The following KIF9 variants were observed in gnomAD, a reference collection of about 807,000 sequenced individuals.
The protein encoded by KIF9 is kinesin-like protein KIF9.
A neutral mutation model predicts 94.8 loss-of-function variants in KIF9; 68 were observed. The ratio of observed to expected loss-of-function variants is 0.72; its 90% confidence interval spans 0.59 to 0.88. KIF9 has a LOEUF of 0.88. KIF9 is among the 40% of genes least tolerant of loss of function. KIF9 has a pLI of 0.00. For missense variants in KIF9, 882 were observed against 982.5 expected (o/e 0.90, Z 1.37); for synonymous variants, 343 against 362.1 (o/e 0.95, Z 0.60).
At position 47,229,783 on chromosome 3, in the gene KIF9, G is replaced by T. The variant is rs1284033345; in HGVS notation, c.2323-1081C>A. 1.1e-4 allele frequency among the ~76,000 whole-genome samples: 17 copies of T among 151,810 alleles called. 1 individual carries two copies. Among genetic ancestry groups the T allele is most frequent in the Non-Finnish European group, 1.5e-5 (1 of 67,970 alleles). The stretch of plus-strand genomic sequence containing the variant: ...GAGTCTCGCTCTGTCACCCAGGCCG[G>T]AGTACAGTGGCGCAATCTCGGCTCA... On this transcript the variant is annotated intron_variant, in intron 20 of 20. Coordinates refer to ENST00000684063, the MANE Select transcript of KIF9 (RefSeq NM_182902.4).
intron 1 of KIF9, among the ~76,000 whole-genome samples, chr3:47,278,615 G>A (rs892639242): frequency 2.6e-5 from 4 of 152,092 alleles, no homozygotes; most frequent in Non-Finnish European, 4.4e-5. Flanking sequence ...GATCCCTTGA[G>A]GCCAGGAGTT....
At chr3:47,273,509 G>C in intron 4 of KIF9, 43 bp downstream of exon 4, 1 of 1,462,812 alleles carries the variant, frequency 6.8e-7, no homozygotes, top group South Asian at 1.3e-5. Context: ...ATGGCAGAGA[G>C]AGGGAACCTG....
Position 47,279,515 on chromosome 3 carries a change from G to A in KIF9, c.-5-2136C>T, listed in dbSNP as rs941598566. 5.9e-5 allele frequency among the ~76,000 whole-genome samples: 9 copies of A among 151,392 alleles called. No individual in the cohort carries two copies. The South Asian group carries it at 1.7e-3, about 28-fold the overall frequency. ...ATCAAAAAATCTAAGTAACTTTTAA[G>A]ATGTTAACCATAAAAACCCCTCATG... On this transcript the variant is annotated intron_variant, in intron 1 of 20. Transcript: ENST00000684063.
At chr3:47,257,874 C>T (rs1320517203) in intron 9 of KIF9, among the ~76,000 whole-genome samples, 1 of 152,162 alleles carries the variant, frequency 6.6e-6, no homozygotes, top group African/African-American at 2.4e-5. Flanking sequence ...CAGGTGACCC[C>T]CTGCCTGGAG....
intron 10 of KIF9, among the ~76,000 whole-genome samples, chr3:47,248,449 C>CT (rs1474280393): frequency 4.7e-4 from 70 of 149,018 alleles, no homozygotes; most frequent in African/African-American, 9.1e-4. Flanking sequence ...AGAATGCTTT[C>CT]TTTTTTTTTT....
intron 4 of KIF9, among the ~76,000 whole-genome samples, 199 bp from the exon 5 acceptor site, chr3:47,271,660 G>A (rs1226944796): frequency 6.6e-6 from 1 of 152,194 alleles, no homozygotes; most frequent in Non-Finnish European, 1.5e-5. Flanking sequence ...ACCATCTCAC[G>A]AAGTAGAGGC....
At chr3:47,232,452 T>C (rs1415276596) in intron 20 of KIF9, among the ~76,000 whole-genome samples, 1 of 151,684 alleles carries the variant, frequency 6.6e-6, no homozygotes, top group African/African-American at 2.4e-5. Context: ...ACCCGGCTAA[T>C]TTTTGTATTT....
chr3:47,280,224 T>A (rs1444656190), intron 1 of KIF9, among the ~76,000 whole-genome samples: 1 of 152,164 alleles, frequency 6.6e-6, no homozygotes, highest in Non-Finnish European at 1.5e-5. Flanking sequence ...TCACACTCAA[T>A]TTCTAAAGCT....
At chr3:47,249,606 C>T (rs934040392) in intron 10 of KIF9, among the ~76,000 whole-genome samples, 2 of 152,192 alleles carry the variant, frequency 1.3e-5, no homozygotes, top group Non-Finnish European at 2.9e-5. Flanking sequence ...CTGGTGCACT[C>T]CAAACACTTC....
chr3:47,247,387 G>T lies in KIF9; in HGVS notation c.1219C>A (p.Leu407Met). Residue 407 changes from leucine to methionine, a missense_variant, in exon 12 of 21, where the codon CTG (leucine) becomes ATG (methionine). By Grantham distance (15) the Leu-to-Met change is conservative. Coordinates refer to ENST00000684063, the MANE Select transcript of KIF9 (RefSeq NM_182902.4). ...GGGTTCCTTACGTCGATCTCGTCCA[G>T]TGTCCCCTCCAGGTACCTCCGCACC... The part of the protein sequence containing the change: ...SQVRRYLEGT[L>M]DEIDIISLRQ... 6.2e-7 allele frequency: 1 copy of T among 1,612,796 alleles called. No homozygotes were observed. The highest frequency in any genetic ancestry group is 1.3e-5 in the African/African-American group (1 of 75,032).
chr3:47,237,832 G>A (rs530350729), intron 17 of KIF9, among the ~76,000 whole-genome samples: 143 of 152,232 alleles, frequency 9.4e-4, no homozygotes, highest in Middle Eastern at 3.2e-3. Context: ...GGGATCTGGA[G>A]TGGGGAGTGG....
chr3:47,275,734 A>C (rs1701925395), intron 2 of KIF9, among the ~76,000 whole-genome samples: 1 of 152,240 alleles, frequency 6.6e-6, no homozygotes, highest in African/African-American at 2.4e-5. Flanking sequence ...CTCTAACCCT[A>C]GTTCACACGG....
rs181779461 is a variant in KIF9, at chr3:47,277,557, C to G, written c.-5-178G>C. On this transcript the variant is annotated intron_variant, in intron 1 of 20. Transcript: ENST00000684063. ...ATTTCAGTGTTCTACCCACAAGACA[C>G]TGCTCAACAAATACACGCACTTTCT... is the stretch of plus-strand genomic sequence containing the variant. Among the ~76,000 whole-genome samples, 513 of 152,298 alleles carry G rather than the reference C, an allele frequency of 3.4e-3. 1 individual carries two copies. Among genetic ancestry groups the G allele is most frequent in the Non-Finnish European group, 5.6e-3 (383 of 68,022 alleles).
intron 5 of KIF9, among the ~76,000 whole-genome samples, chr3:47,270,466 G>C (rs1409929719): frequency 6.6e-6 from 1 of 151,226 alleles, no homozygotes; most frequent in Non-Finnish European, 1.5e-5. Flanking sequence ...TGTTGGCCAG[G>C]CTGGTCTCAA....
chr3:47,267,085 C>T lies in KIF9; in HGVS notation c.676-17G>A. ...GGAATGGGCCTACAAAACATCCAAG[C>T]AGAAGTTAGACTGTCACAGGGAGAA... is the stretch of plus-strand genomic sequence containing the variant. On this transcript the variant is annotated splice_polypyrimidine_tract_variant and intron_variant, in intron 6 of 20. Transcript: ENST00000684063. 1 of 1,611,546 alleles carries T rather than the reference C, an allele frequency of 6.2e-7. No individual in the cohort carries two copies. Among genetic ancestry groups the T allele is most frequent in the Non-Finnish European group, 8.5e-7 (1 of 1,177,878 alleles).
intron 1 of KIF9, among the ~76,000 whole-genome samples, chr3:47,278,219 G>A (rs770142757): frequency 6.6e-6 from 1 of 151,754 alleles, no homozygotes; most frequent in South Asian, 2.1e-4. Context: ...CTACAGGTGC[G>A]TACCACTGTG....
In KIF9 at chr3:47,282,731, C is replaced by T. The variant is rs548562163; in HGVS notation, c.-242G>A. 2,642 of 1,413,634 alleles carry T rather than the reference C, an allele frequency of 1.9e-3. 3 individuals are homozygous for T. The highest frequency in any genetic ancestry group is 2.1e-3 in the Non-Finnish European group (2,305 of 1,085,814). 87.6% of individuals were successfully genotyped at this position (1,413,634 alleles called of 1,614,324 possible). ...GGGGCCGATTGATCTAGAAAGACTT[C>T]GGCGGATGCACATGCGAAGTCAAGG... On this transcript the variant is annotated 5_prime_UTR_variant, in exon 1 of 21. Transcript: ENST00000684063.
chr3:47,253,035 A>T (rs1700369653), intron 10 of KIF9, among the ~76,000 whole-genome samples: 1 of 152,156 alleles, frequency 6.6e-6, no homozygotes, highest in African/African-American at 2.4e-5. Context: ...AAAAAAGATA[A>T]GAAAATCTTC....
chr3:47,281,291 G>A (rs1076394), intron 1 of KIF9: 172,201 of 429,938 alleles, frequency 0.4, 35,823 homozygotes, highest in Middle Eastern at 0.52. Context: ...TGGTTTCCAG[G>A]TGCAAAAATC....
Sources: allele counts gnomAD v4.1 joint callset (sites outside exome capture counted in the v4.1 genomes callset), GRCh38; gene constraint gnomAD v4.1.1; transcripts MANE v1.5; gene names NCBI Gene and HGNC (gene_info 2026-07-23, HGNC 2026-07-21).